The following NTNG1 variants were observed in gnomAD, a reference collection of about 807,000 sequenced individuals.
The protein encoded by NTNG1 is netrin-G1.
In NTNG1, 16 loss-of-function variants were observed where a neutral mutation model predicts 54.0. The observed-to-expected ratio is 0.30, with a 90% CI of 0.20 to 0.45. The LOEUF is 0.45. Among genes scored for constraint, NTNG1 ranks in the 20% least tolerant of loss-of-function variants. The pLI is 1.00. For missense variants in NTNG1, 530 were observed against 678.7 expected (o/e 0.78, Z 2.43); for synonymous variants, 255 against 263.1 (o/e 0.97, Z 0.30).
intron 2 of NTNG1, among the ~76,000 whole-genome samples, chr1:107,192,314 C>T (rs112131631): frequency 1.4e-4 from 22 of 152,146 alleles, no homozygotes; most frequent in Middle Eastern, 3.4e-3. Context: ...TTCGTGCTTT[C>T]GACCTTCTTT....
At chr1:107,339,954 T>C (rs1005632979) in intron 3 of NTNG1, among the ~76,000 whole-genome samples, 1 of 151,980 alleles carries the variant, frequency 6.6e-6, no homozygotes, top group Non-Finnish European at 1.5e-5. Flanking sequence ...TGAAGCATCA[T>C]GGTTTGTGCA....
intron 7 of NTNG1, among the ~76,000 whole-genome samples, chr1:107,470,617 T>C (rs988358269): frequency 1.3e-5 from 2 of 152,242 alleles, no homozygotes; most frequent in African/African-American, 2.4e-5. Context: ...TACCCTGATA[T>C]GTGTTGCCAT....
chr1:107,269,605 G>T (rs989010253), intron 2 of NTNG1, among the ~76,000 whole-genome samples: 13 of 152,164 alleles, frequency 8.5e-5, no homozygotes, highest in African/African-American at 3.1e-4. Flanking sequence ...CATGGAATGT[G>T]CTTAAGAAAA....
chr1:107,290,259 A>T (rs79792600), intron 2 of NTNG1, among the ~76,000 whole-genome samples: 2 of 152,214 alleles, frequency 1.3e-5, no homozygotes, highest in South Asian at 4.1e-4. Flanking sequence ...CTCACAATTC[A>T]TTGAGTGTTT....
chr1:107,151,863 A>T (rs17018489), intron 2 of NTNG1, among the ~76,000 whole-genome samples: 7,347 of 152,188 alleles, frequency 0.048, 573 homozygotes, highest in African/African-American at 0.17. Context: ...TACTTAATAA[A>T]TCTTCAATGT....
chr1:107,448,644 T>C (rs1216049487), intron 7 of NTNG1, among the ~76,000 whole-genome samples: 1 of 152,062 alleles, frequency 6.6e-6, no homozygotes, highest in African/African-American at 2.4e-5. Flanking sequence ...CCCAAGAAGT[T>C]TTGTTGTTGC....
At chr1:107,316,606 ATC>A (rs567357049) in intron 2 of NTNG1, among the ~76,000 whole-genome samples, 112 of 152,268 alleles carry the variant, frequency 7.4e-4, no homozygotes, top group Middle Eastern at 3.4e-3. Context: ...CCCATAAAAT[ATC>A]TGTTTTTTAT....
chr1:107,290,737 T>C (rs994787278), intron 2 of NTNG1, among the ~76,000 whole-genome samples: 2 of 151,810 alleles, frequency 1.3e-5, no homozygotes, highest in African/African-American at 2.4e-5. Flanking sequence ...TGCTATAACA[T>C]ATAAAGCAAG....
intron 2 of NTNG1, among the ~76,000 whole-genome samples, chr1:107,198,518 T>A (rs1161824456): frequency 6.6e-6 from 1 of 151,910 alleles, no homozygotes; most frequent in African/African-American, 2.4e-5. Context: ...ATGCCCATCT[T>A]TAGTGGGGAG....
chr1:107,466,074 G>T (rs1344390341), intron 7 of NTNG1, among the ~76,000 whole-genome samples: 1 of 152,084 alleles, frequency 6.6e-6, no homozygotes, highest in African/African-American at 2.4e-5. Context: ...GGGAGGTCCT[G>T]ACTATAGTAT....
Position 107,430,864 on chromosome 1 carries a change from T to C in NTNG1, c.1202T>C (p.Leu401Pro). 6.2e-7 allele frequency: 1 copy of C among 1,613,318 alleles called. No individual in the cohort carries two copies. The highest frequency in any genetic ancestry group is 1.7e-5 in the Admixed American group (1 of 59,890). Reference sequence around the variant, plus strand: ...GGGCAGCACTGTGAGTTATGCAGGCTGGGCTACTTCAGAAATGCTTCTGCA... The same window carrying C: ...GGGCAGCACTGTGAGTTATGCAGGCCGGGCTACTTCAGAAATGCTTCTGCA... ...TRGQHCELCR[L>P]GYFRNASAQL... The change falls in exon 6 of 8, where the codon CTG (leucine) becomes CCG (proline). Residue 401 changes from leucine (L) to proline (P), a missense_variant. Around this residue, in one of 2 missense-constraint regions of NTNG1, gnomAD observed 212 missense variants for 213.6 expected, o/e 0.99. Transcript: ENST00000370068.
intron 2 of NTNG1, among the ~76,000 whole-genome samples, chr1:107,201,275 G>A (rs903201569): frequency 6.6e-6 from 1 of 151,808 alleles, no homozygotes; most frequent in South Asian, 2.1e-4. Flanking sequence ...TTTGTTCCCA[G>A]AATCATCTTC....
chr1:107,191,696 A>C (rs1011983076), intron 2 of NTNG1, among the ~76,000 whole-genome samples: 11 of 150,866 alleles, frequency 7.3e-5, no homozygotes, highest in African/African-American at 2.5e-4. Flanking sequence ...TCCTTTCCCC[A>C]TTGCTTGTTT....
chr1:107,227,058 T>G (rs1660735809), intron 2 of NTNG1, among the ~76,000 whole-genome samples: 1 of 152,124 alleles, frequency 6.6e-6, no homozygotes, highest in Non-Finnish European at 1.5e-5. Context: ...CCATAGTGGA[T>G]CGGAGTAGGG....
intron 3 of NTNG1, among the ~76,000 whole-genome samples, chr1:107,349,580 G>T (rs1289237047): frequency 1.3e-5 from 2 of 151,958 alleles, no homozygotes; most frequent in Non-Finnish European, 2.9e-5. Context: ...CTGACTTTTT[G>T]ACCATCCACA....
intron 2 of NTNG1, among the ~76,000 whole-genome samples, chr1:107,284,147 A>G (rs1283332709): frequency 2.6e-5 from 4 of 152,090 alleles, no homozygotes; most frequent in African/African-American, 9.7e-5. Context: ...TCAGTGTACC[A>G]TCATAGTGGC....
intron 2 of NTNG1, among the ~76,000 whole-genome samples, chr1:107,164,361 T>C (rs1337195057): frequency 6.6e-6 from 1 of 152,178 alleles, no homozygotes; most frequent in South Asian, 2.1e-4. Flanking sequence ...AAGAGAACCA[T>C]GAAGGGTGAA....
At chr1:107,468,329 C>G (rs916321642) in intron 7 of NTNG1, among the ~76,000 whole-genome samples, 17 of 152,126 alleles carry the variant, frequency 1.1e-4, no homozygotes, top group Admixed American at 3.3e-4. Flanking sequence ...TTACAAAGTG[C>G]TCAAAGGCAT....
chr1:107,353,552 A>C (rs1359620735), intron 3 of NTNG1, among the ~76,000 whole-genome samples: 1 of 152,118 alleles, frequency 6.6e-6, no homozygotes, highest in Non-Finnish European at 1.5e-5. Context: ...AAATCTAGAA[A>C]GTTTGGAAGT....
Sources: allele counts gnomAD v4.1 joint callset (sites outside exome capture counted in the v4.1 genomes callset), GRCh38; gene constraint gnomAD v4.1.1; regional missense constraint gnomAD v4.1.1; transcripts MANE v1.5; gene names NCBI Gene and HGNC (gene_info 2026-07-23, HGNC 2026-07-21).